Variants in SYBU observed in about 807,000 individuals in gnomAD.
The protein encoded by SYBU is GOLSYN A protein.
SYBU carries 21 observed loss-of-function variants against 35.9 expected under a neutral mutation model. That is an observed-to-expected ratio of 0.58 (90% CI 0.41 to 0.84). SYBU has a LOEUF of 0.84. Ranked by LOEUF, SYBU falls within the 40% of genes least tolerant of loss-of-function variation. SYBU has a pLI of 0.00. For synonymous variants in SYBU, 319 were observed against 324.3 expected, an observed-to-expected ratio of 0.98 and a Z score of 0.18; for missense variants, 768 against 848.2, an observed-to-expected ratio of 0.91 and a Z score of 1.17.
rs1157913419 is a variant in SYBU at position 109,607,805 on chromosome 8, A to AACACACACAC, written c.427+11036_427+11037insGTGTGTGTGT. 9.0e-4 allele frequency: 298 copies of AACACACACAC among 332,296 alleles called. 1 individual carries two copies. The highest frequency in any genetic ancestry group is 1.2e-3 in the Admixed American group (18 of 15,156). 20.6% of individuals were successfully genotyped at this position (332,296 alleles called of 1,614,324 possible). A position where few individuals can be genotyped will look rare whatever the true frequency, so the allele number is the denominator to read the frequency against. On this transcript the variant is annotated intron_variant, in intron 3 of 6. Coordinates refer to ENST00000276646, the MANE Select transcript of SYBU (RefSeq NM_001099754.2). ...GGCTCCATTTTGGCCTACCACAACT[A>AACACACACAC]ACTCACACACACACACACACACACA...
At chr8:109,659,025 A>C (rs556574290) in intron 1 of SYBU, among the ~76,000 whole-genome samples, 113 of 152,196 alleles carry the variant, frequency 7.4e-4, no homozygotes, top group African/African-American at 2.6e-3. Flanking sequence ...CCTCTTTAAA[A>C]CTCAATAATT....
chr8:109,633,208 T>C (rs1813834856), intron 2 of SYBU, among the ~76,000 whole-genome samples: 1 of 152,166 alleles, frequency 6.6e-6, no homozygotes, highest in African/African-American at 2.4e-5. Context: ...CCAGAATCAA[T>C]AGAAGGGTAG....
intron 3 of SYBU, among the ~76,000 whole-genome samples, chr8:109,597,909 A>G (rs1825079045): frequency 6.6e-6 from 1 of 152,180 alleles, no homozygotes; most frequent in African/African-American, 2.4e-5. Flanking sequence ...TAGATTTTAA[A>G]CCATCCTCAG....
At chr8:109,603,556 C>A in intron 3 of SYBU, 1 of 196,530 alleles carries the variant, frequency 5.1e-6, no homozygotes, top group African/African-American at 2.4e-5. Context: ...GTGTTCTCTA[C>A]TTTCTCCACC....
intron 3 of SYBU, among the ~76,000 whole-genome samples, chr8:109,594,067 A>G (rs1014955897): frequency 6.6e-6 from 1 of 152,220 alleles, no homozygotes; most frequent in African/African-American, 2.4e-5. Context: ...CTTCTATTTA[A>G]GGAGAAGCAT....
chr8:109,682,621 T>C (rs112321380), upstream of SYBU, among the ~76,000 whole-genome samples: 5,302 of 152,176 alleles, frequency 0.035, 307 homozygotes, highest in African/African-American at 0.12. Flanking sequence ...AATGATGCAA[T>C]AGAAAAGAAA....
At chr8:109,669,366 A>C (rs1342135700) in intron 1 of SYBU, among the ~76,000 whole-genome samples, 4 of 141,990 alleles carry the variant, frequency 2.8e-5, no homozygotes, top group Non-Finnish European at 6.2e-5. Context: ...AAAAAAAAAA[A>C]AACAACTGAT....
At chr8:109,626,476 C>T (rs896806640) in intron 2 of SYBU, among the ~76,000 whole-genome samples, 12 of 152,108 alleles carry the variant, frequency 7.9e-5, no homozygotes, top group Non-Finnish European at 1.2e-4. Context: ...CTTTGCAATG[C>T]TTTTATGATG....
chr8:109,653,270 A>T (rs1816224138), intron 1 of SYBU, among the ~76,000 whole-genome samples: 1 of 152,166 alleles, frequency 6.6e-6, no homozygotes, highest in Non-Finnish European at 1.5e-5. Context: ...GAGAGTTCCC[A>T]TATATCCCCT....
chr8:109,658,693 C>A (rs1170249495), intron 1 of SYBU, among the ~76,000 whole-genome samples: 4 of 152,178 alleles, frequency 2.6e-5, no homozygotes, highest in African/African-American at 9.7e-5. Context: ...GTGGCTCATG[C>A]CTGTAATCCC....
At chr8:109,618,119 TAATGCA>T (rs1168539459) in intron 3 of SYBU, among the ~76,000 whole-genome samples, 1 of 152,230 alleles carries the variant, frequency 6.6e-6, no homozygotes, top group African/African-American at 2.4e-5. Context: ...TTAAAGAGAA[TAATGCA>T]ATGTTAGAGG....
At chr8:109,652,201 T>A (rs1816170964) in intron 1 of SYBU, among the ~76,000 whole-genome samples, 1 of 152,254 alleles carries the variant, frequency 6.6e-6, no homozygotes, top group South Asian at 2.1e-4. Flanking sequence ...GGCTTGCCAG[T>A]ATCTAAATTA....
intron 3 of SYBU, among the ~76,000 whole-genome samples, chr8:109,589,418 ATC>A (rs1823974408): frequency 6.6e-6 from 1 of 152,188 alleles, no homozygotes; most frequent in Non-Finnish European, 1.5e-5. Flanking sequence ...ATTGTTTTCG[ATC>A]AGCTGCCAGG....
chr8:109,679,995 T>TACA (rs140051920), intron 1 of SYBU, among the ~76,000 whole-genome samples: 2,646 of 152,286 alleles, frequency 0.017, 84 homozygotes, highest in African/African-American at 0.059. Context: ...CAATAAATAA[T>TACA]ACAACACATT....
chr8:109,589,417 G>A (rs1271176372), intron 3 of SYBU, among the ~76,000 whole-genome samples: 2 of 152,110 alleles, frequency 1.3e-5, no homozygotes, highest in South Asian at 4.2e-4. Context: ...TATTGTTTTC[G>A]ATCAGCTGCC....
At chr8:109,690,941 T>C (rs935418759) in intron 1 of SYBU, among the ~76,000 whole-genome samples, 10 of 152,186 alleles carry the variant, frequency 6.6e-5, no homozygotes, top group African/African-American at 1.9e-4. Context: ...CTATTCTTAA[T>C]GAACCTTCCT....
At chr8:109,603,513 A>C in intron 3 of SYBU, 3 of 412,634 alleles carry the variant, frequency 7.3e-6, no homozygotes, top group Non-Finnish European at 9.8e-6. Context: ...CCACCCCCCT[A>C]CACAAGTTAA....
At chr8:109,586,276 G>T in intron 3 of SYBU, 114 bp from the exon 4 acceptor site, 1 of 727,114 alleles carries the variant, frequency 1.4e-6, no homozygotes, top group Non-Finnish European at 2.3e-6. Context: ...ATTGGCAAGT[G>T]CCAAGATTCC....
chr8:109,594,206 G>A (rs1232736491), intron 3 of SYBU, among the ~76,000 whole-genome samples: 5 of 152,180 alleles, frequency 3.3e-5, no homozygotes, highest in African/African-American at 9.6e-5. Context: ...CATTCATAGG[G>A]GAGGAAGGAG....
Sources: allele counts gnomAD v4.1 joint callset (sites outside exome capture counted in the v4.1 genomes callset), GRCh38; gene constraint gnomAD v4.1.1; transcripts MANE v1.5; gene names NCBI Gene and HGNC (gene_info 2026-07-23, HGNC 2026-07-21).